EPHA3: variants seen among roughly 807,000 people sequenced by gnomAD.
EPHA3 encodes the protein ephrin type-A receptor 3.
Under a neutral mutation model 107.1 loss-of-function variants are expected in EPHA3, and 42 were observed. That is an observed-to-expected ratio of 0.39 (90% CI 0.31 to 0.51). The LOEUF (loss-of-function observed/expected upper bound fraction) is 0.51, where lower values mean the gene tolerates loss of function less well. EPHA3 is among the 20% of genes least tolerant of loss of function. The probability of loss-of-function intolerance (pLI) is 0.78; values close to 1 mark genes in which losing one functional copy is unlikely to be tolerated. For synonymous variants in EPHA3, 461 were observed against 424.8 expected (o/e 1.09, Z -1.05); for missense variants, 1,183 against 1,211.2 (o/e 0.98, Z 0.35).
At chr3:89,329,166 G>A (rs1394914005) in intron 3 of EPHA3, among the ~76,000 whole-genome samples, 1 of 152,044 alleles carries the variant, frequency 6.6e-6, no homozygotes, top group Admixed American at 6.6e-5. Context: ...CTAAGAAATA[G>A]GGTGATGGTT....
chr3:89,323,973 A>C (rs913292557), intron 3 of EPHA3, among the ~76,000 whole-genome samples: 15 of 151,890 alleles, frequency 9.9e-5, no homozygotes, highest in African/African-American at 3.1e-4. Context: ...TTTGCAGTAC[A>C]AATACTATAA....
Position 89,479,844 on chromosome 3 carries a change from C to T in EPHA3, c.*342C>T, listed in dbSNP as rs1710590298. 7.9e-6 allele frequency: 2 copies of T among 254,622 alleles called. No individual in the cohort carries two copies. The highest frequency in any genetic ancestry group is 1.5e-5 in the Non-Finnish European group (2 of 131,740). The allele number at this position is 254,622 out of a possible 1,614,324, so 15.8% of individuals were successfully genotyped here. On this transcript the variant is annotated 3_prime_UTR_variant, in exon 17 of 17. Coordinates refer to ENST00000336596, the MANE Select transcript of EPHA3 (RefSeq NM_005233.6). Reference sequence around the variant, plus strand: ...AAAACAAGTGAAATAACAAAATGGACATGGTGGCTTTGTTTAGGTAGAGCC... The same window carrying T: ...AAAACAAGTGAAATAACAAAATGGATATGGTGGCTTTGTTTAGGTAGAGCC...
At position 89,348,592 on chromosome 3, in the gene EPHA3, T is replaced by G. The variant is rs1414650429; in HGVS notation, c.1306+6502T>G. Among the ~76,000 whole-genome samples, 208 of 140,978 alleles carry G rather than the reference T, an allele frequency of 1.5e-3. 1 individual carries two copies. Among genetic ancestry groups the G allele is most frequent in the African/African-American group, 5.4e-3 (187 of 34,622 alleles). 92.5% of individuals were successfully genotyped at this position (140,978 alleles called of 152,430 possible). A position where few individuals can be genotyped will look rare whatever the true frequency, so the allele number is the denominator to read the frequency against. On this transcript the variant is annotated intron_variant, in intron 5 of 16. Transcript: ENST00000336596. ...CTCCTGGATTCATTGATTTTTTGAA[T>G]GGTTTTTTGTGTCTCTATTTCCTTC...
At chr3:89,437,395 A>G (rs1216282612) in intron 13 of EPHA3, among the ~76,000 whole-genome samples, 1 of 152,104 alleles carries the variant, frequency 6.6e-6, no homozygotes, top group African/African-American at 2.4e-5. Context: ...TAGCTCCACA[A>G]ATTTAAATCA....
intron 2 of EPHA3, 93 bp from the exon 3 acceptor site, chr3:89,209,767 A>G (rs1484387441): frequency 9.4e-7 from 1 of 1,066,216 alleles, no homozygotes; most frequent in Non-Finnish European, 1.3e-6. Context: ...GTAAATGATG[A>G]TTTATTATAT....
At chr3:89,324,452 G>T (rs1707120081) in intron 3 of EPHA3, among the ~76,000 whole-genome samples, 1 of 151,716 alleles carries the variant, frequency 6.6e-6, no homozygotes, top group African/African-American at 2.4e-5. Context: ...TCACGCTTGT[G>T]CTGGGATTAA....
intron 2 of EPHA3, among the ~76,000 whole-genome samples, chr3:89,145,280 GAC>G (rs10670597): frequency 1.9e-4 from 29 of 150,020 alleles, no homozygotes; most frequent in Admixed American, 4.7e-4. Flanking sequence ...TTCACAAACA[GAC>G]ACACACACAC....
At chr3:89,393,859 G>A (rs2107501656) in intron 5 of EPHA3, among the ~76,000 whole-genome samples, 1 of 152,118 alleles carries the variant, frequency 6.6e-6, no homozygotes, top group East Asian at 1.9e-4. Flanking sequence ...TGTTTATGAA[G>A]CTTCAACTAA....
intron 5 of EPHA3, among the ~76,000 whole-genome samples, chr3:89,344,798 A>G (rs569314706): frequency 6.6e-6 from 1 of 152,282 alleles, no homozygotes; most frequent in South Asian, 2.1e-4. Context: ...TCTTGATGAC[A>G]TTGTAAAAGC....
chr3:89,166,900 G>A (rs1157195385), intron 2 of EPHA3, among the ~76,000 whole-genome samples: 5 of 152,130 alleles, frequency 3.3e-5, no homozygotes, highest in Non-Finnish European at 7.4e-5. Context: ...CAAGTATGAT[G>A]TATTATTTAA....
At chr3:89,454,013 T>G (rs572266764) in intron 15 of EPHA3, among the ~76,000 whole-genome samples, 1 of 152,154 alleles carries the variant, frequency 6.6e-6, no homozygotes, top group African/African-American at 2.4e-5. Context: ...CACAAACAGA[T>G]GTTCTATTAT....
intron 5 of EPHA3, among the ~76,000 whole-genome samples, chr3:89,363,497 T>G (rs1224609531): frequency 6.6e-6 from 1 of 150,872 alleles, no homozygotes; most frequent in Non-Finnish European, 1.5e-5. Context: ...ACGGACTGAA[T>G]GAGGCCCACA....
chr3:89,460,298 T>A (rs1402840680), intron 15 of EPHA3, among the ~76,000 whole-genome samples: 1 of 149,866 alleles, frequency 6.7e-6, no homozygotes, highest in Non-Finnish European at 1.5e-5. Context: ...CACAAAAAAA[T>A]TAGATAATAC....
At chr3:89,174,591 T>C (rs1452809473) in intron 2 of EPHA3, among the ~76,000 whole-genome samples, 5 of 91,950 alleles carry the variant, frequency 5.4e-5, no homozygotes, top group African/African-American at 2.0e-4. Flanking sequence ...AAGTTCATCA[T>C]TTTTTTAAGA....
intron 3 of EPHA3, among the ~76,000 whole-genome samples, chr3:89,339,966 C>T (rs1180595357): frequency 2.6e-5 from 4 of 152,106 alleles, no homozygotes; most frequent in Admixed American, 2.6e-4. Flanking sequence ...CTAGAGACTT[C>T]TTGGAATTTT....
At chr3:89,126,016 A>T (rs1432869943) in intron 1 of EPHA3, among the ~76,000 whole-genome samples, 2 of 151,734 alleles carry the variant, frequency 1.3e-5, no homozygotes, top group Non-Finnish European at 3.0e-5. Flanking sequence ...GCAAAAAAAA[A>T]TACTTGAGAT....
chr3:89,215,635 A>G (rs1704205603), intron 3 of EPHA3, among the ~76,000 whole-genome samples: 1 of 151,914 alleles, frequency 6.6e-6, no homozygotes, highest in Non-Finnish European at 1.5e-5. Flanking sequence ...AATAAGTTAA[A>G]TGATCAGCAA....
intron 3 of EPHA3, among the ~76,000 whole-genome samples, chr3:89,216,235 G>A (rs1223319960): frequency 6.6e-6 from 1 of 151,822 alleles, no homozygotes; most frequent in African/African-American, 2.4e-5. Flanking sequence ...AATAATTTTG[G>A]TTGCAGAAAA....
intron 3 of EPHA3, among the ~76,000 whole-genome samples, chr3:89,239,867 A>G (rs1253442204): frequency 1.3e-5 from 2 of 152,170 alleles, no homozygotes; most frequent in African/African-American, 4.8e-5. Flanking sequence ...GACTTGATTG[A>G]TAATAGTTGA....
Sources: gnomAD v4.1 joint callset for allele counts (sites outside exome capture counted in the v4.1 genomes callset) on GRCh38, gnomAD v4.1.1 for gene constraint, MANE v1.5 for transcripts, NCBI Gene and HGNC (gene_info 2026-07-23, HGNC 2026-07-21) for gene names.